Variants in FAM118A observed in about 807,000 individuals in gnomAD.
FAM118A encodes the protein SIR2 antiphage like 2, also known as protein FAM118A.
Under a neutral mutation model 38.2 loss-of-function variants are expected in FAM118A, and 25 were observed. The observed-to-expected ratio is 0.65, with a 90% CI of 0.48 to 0.91. FAM118A has a LOEUF of 0.91. Ranked by LOEUF, FAM118A falls within the 40% of genes least tolerant of loss-of-function variation. The pLI, the probability that FAM118A is intolerant of heterozygous loss-of-function variation, is 0.00. For synonymous variants in FAM118A, 178 were observed against 184.1 expected (o/e 0.97, Z 0.27); for missense variants, 425 against 463.3 (o/e 0.92, Z 0.76).
intron 1 of FAM118A, among the ~76,000 whole-genome samples, chr22:45,312,085 C>T (rs957081724): frequency 1.3e-5 from 2 of 152,058 alleles, no homozygotes; most frequent in South Asian, 2.1e-4. Flanking sequence ...AACCACCCAT[C>T]GTGCTTTTTC....
At chr22:45,331,981 C>T (rs2146694541) in intron 5 of FAM118A, among the ~76,000 whole-genome samples, 1 of 152,302 alleles carries the variant, frequency 6.6e-6, no homozygotes, top group Admixed American at 6.5e-5. Context: ...ACATTAATTT[C>T]AGGGTGTTTT....
intron 1 of FAM118A, among the ~76,000 whole-genome samples, chr22:45,312,444 G>T (rs2084412483): frequency 6.6e-6 from 1 of 152,162 alleles, no homozygotes; most frequent in Non-Finnish European, 1.5e-5. Flanking sequence ...AGGCCGAGGA[G>T]GGTAGATCAT....
intron 8 of FAM118A, 137 bp downstream of exon 8, chr22:45,336,548 A>G: frequency 4.7e-6 from 3 of 643,076 alleles, no homozygotes; most frequent in Non-Finnish European, 8.1e-6. Flanking sequence ...AGGGCCAGAG[A>G]GCACAGGAGG....
At chr22:45,309,217 G>A (rs999353801), upstream of FAM118A, 1 of 152,206 alleles carries the variant, frequency 6.6e-6, no homozygotes, top group Non-Finnish European at 1.5e-5. Context: ...TCTCAGCCTC[G>A]GGGAAGAGTA....
chr22:45,330,545 C>G, intron 4 of FAM118A, 58 bp from the exon 5 acceptor site: 2 of 1,458,878 alleles, frequency 1.4e-6, no homozygotes, highest in Non-Finnish European at 1.8e-6. Context: ...GTATTTTCTT[C>G]TCTCTGTTTG....
chr22:45,336,176 C>T (rs371970067), intron 7 of FAM118A, 152 bp from the exon 8 acceptor site: 1 of 574,068 alleles, frequency 1.7e-6, no homozygotes, highest in African/African-American at 1.9e-5. Context: ...AAGCATGGCT[C>T]TCTTTGGAGA....
chr22:45,315,981 G>A (rs751175788), intron 1 of FAM118A, among the ~76,000 whole-genome samples: 14 of 152,222 alleles, frequency 9.2e-5, no homozygotes, highest in Non-Finnish European at 1.6e-4. Flanking sequence ...CTGGATCGCA[G>A]ATGGTTCATT....
intron 8 of FAM118A, 152 bp downstream of exon 8, chr22:45,336,563 C>A: frequency 1.6e-6 from 1 of 610,598 alleles, no homozygotes; most frequent in South Asian, 2.1e-5. Flanking sequence ...AGGAGGCTTA[C>A]TTAGCAGAGA....
At chr22:45,327,474 G>A (rs1465469109) in intron 3 of FAM118A, among the ~76,000 whole-genome samples, 2 of 152,126 alleles carry the variant, frequency 1.3e-5, no homozygotes, top group African/African-American at 2.4e-5. Context: ...TACCTGAGCC[G>A]TGACCTCAGT....
At position 45,323,295 on chromosome 22, in the gene FAM118A, C is replaced by T. The variant is rs201830437; in HGVS notation, c.168C>T (p.Ile56=). The T allele has an allele frequency of 8.6e-5, 139 of 1,614,044 alleles. No homozygotes were observed. The Middle Eastern group carries it at 9.9e-4, about 11-fold the overall frequency. ...IPALCSWRSC[I]EAVIEAAEQL... ...CCCTTTGCTCGTGGAGAAGCTGCAT[C>T]GAGGCCGTCATCGAGGCTGCAGAGC... Residue 56 remains isoleucine, a synonymous_variant, in exon 3 of 9, where the codon ATC becomes ATT. Transcript: ENST00000441876.
intron 2 of FAM118A, 131 bp downstream of exon 2, chr22:45,322,557 C>G (rs1464307751): frequency 1.2e-6 from 1 of 807,686 alleles, no homozygotes; most frequent in Admixed American, 2.7e-5. Flanking sequence ...ATGAGAGAAC[C>G]TCGAGGGCCA....
intron 1 of FAM118A, among the ~76,000 whole-genome samples, chr22:45,319,467 G>C (rs1330670448): frequency 6.6e-6 from 1 of 152,222 alleles, no homozygotes; most frequent in African/African-American, 2.4e-5. Context: ...AGGAGGCCGG[G>C]AGTGTGCAGG....
chr22:45,324,458 AC>A (rs1234293722), intron 3 of FAM118A, among the ~76,000 whole-genome samples: 5 of 152,180 alleles, frequency 3.3e-5, no homozygotes, highest in African/African-American at 7.2e-5. Context: ...AGTCACATAC[AC>A]CGCTTCTGTT....
At position 45,323,279 on chromosome 22, in the gene FAM118A, C is replaced by T. The variant is rs1255998246; in HGVS notation, c.152C>T (p.Ser51Leu). The change falls in exon 3 of 9, where the codon TCG becomes TTG. Residue 51 changes from serine to leucine, a missense_variant. By Grantham distance (145) the Ser-to-Leu change is moderately radical. Transcript: ENST00000441876. The part of the protein sequence containing the change: ...AVAPGIPALC[S>L]WRSCIEAVIE... Reference sequence around the variant, plus strand: ...GCCCCCGGAATCCCTGCCCTTTGCTCGTGGAGAAGCTGCATCGAGGCCGTC... The same window carrying T: ...GCCCCCGGAATCCCTGCCCTTTGCTTGTGGAGAAGCTGCATCGAGGCCGTC... 3.7e-6 allele frequency: 6 copies of T among 1,614,060 alleles called. No individual in the cohort carries two copies. The highest frequency in any genetic ancestry group is 1.7e-5 in the Admixed American group (1 of 60,012).
chr22:45,322,071 C>T (rs745873989), intron 1 of FAM118A: 1 of 725,288 alleles, frequency 1.4e-6, no homozygotes, highest in Non-Finnish European at 2.1e-6. Context: ...GCGAAAACCC[C>T]AGCTCGGAGC....
intron 1 of FAM118A, among the ~76,000 whole-genome samples, chr22:45,314,704 G>T (rs975884315): frequency 1.3e-5 from 2 of 152,216 alleles, no homozygotes; most frequent in African/African-American, 4.8e-5. Flanking sequence ...AAGGCAGGTG[G>T]GTCCACAAGC....
intron 1 of FAM118A, among the ~76,000 whole-genome samples, chr22:45,315,016 A>G (rs1364269448): frequency 6.6e-6 from 1 of 152,264 alleles, no homozygotes; most frequent in Non-Finnish European, 1.5e-5. Flanking sequence ...TATTGAGGTT[A>G]ACTGAGATAG....
At chr22:45,335,093 A>G (rs2085990907) in intron 6 of FAM118A, 2 of 500,702 alleles carry the variant, frequency 4.0e-6, no homozygotes, top group South Asian at 6.9e-5. Context: ...GGCCCATGAC[A>G]GTGACAGTCA....
intron 8 of FAM118A, among the ~76,000 whole-genome samples, chr22:45,339,993 C>T (rs1602023456): frequency 6.6e-6 from 1 of 152,242 alleles, no homozygotes; most frequent in African/African-American, 2.4e-5. Context: ...CTGGCCTGTC[C>T]TGCATGTGGG....
Sources: allele counts gnomAD v4.1 joint callset (sites outside exome capture counted in the v4.1 genomes callset), GRCh38; gene constraint gnomAD v4.1.1; transcripts MANE v1.5; gene names NCBI Gene and HGNC (gene_info 2026-07-23, HGNC 2026-07-21).